The following GRIA1 variants were observed in gnomAD, a reference collection of about 807,000 sequenced individuals.
GRIA1 encodes the protein glutamate receptor 1.
In GRIA1, 31 loss-of-function variants were observed where a neutral mutation model predicts 99.2. The observed-to-expected ratio is 0.31, with a 90% confidence interval of 0.23 to 0.42. The LOEUF (loss-of-function observed/expected upper bound fraction) is 0.42. Among genes scored for constraint, GRIA1 ranks in the 10% least tolerant of loss-of-function variants. The pLI, the probability that GRIA1 is intolerant of heterozygous loss-of-function variation, is 1.00. For synonymous variants in GRIA1, 438 were observed against 432.4 expected (o/e 1.01, Z -0.16); for missense variants, 782 against 1,157.5 (o/e 0.68, Z 4.71).
At chr5:153,710,186 A>C (rs146757885) in intron 11 of GRIA1, among the ~76,000 whole-genome samples, 2 of 151,950 alleles carry the variant, frequency 1.3e-5, no homozygotes, top group Non-Finnish European at 1.5e-5. Context: ...TGAGATTAAA[A>C]AGGGACCCAT....
chr5:153,626,004 G>C (rs934265087), intron 2 of GRIA1, among the ~76,000 whole-genome samples: 1 of 152,168 alleles, frequency 6.6e-6, no homozygotes, highest in Non-Finnish European at 1.5e-5. Context: ...TCAACTGACT[G>C]TCACATAAAC....
At chr5:153,663,558 A>G (rs546093486) in intron 5 of GRIA1, among the ~76,000 whole-genome samples, 16 of 152,346 alleles carry the variant, frequency 1.1e-4, no homozygotes, top group African/African-American at 3.6e-4. Context: ...CTCATAAGAT[A>G]AAGATAAAAT....
intron 12 of GRIA1, among the ~76,000 whole-genome samples, chr5:153,767,261 G>A (rs757908032): frequency 2.0e-5 from 3 of 152,218 alleles, no homozygotes; most frequent in Non-Finnish European, 2.9e-5. Flanking sequence ...ACACTGTGAA[G>A]TGCACAGTAT....
intron 13 of GRIA1, among the ~76,000 whole-genome samples, chr5:153,776,536 G>A (rs891690211): frequency 6.6e-6 from 1 of 152,106 alleles, no homozygotes; most frequent in Non-Finnish European, 1.5e-5. Context: ...GAAGGCCGTC[G>A]ATCACCTTTA....
At chr5:153,676,113 T>C (rs942389420) in intron 6 of GRIA1, among the ~76,000 whole-genome samples, 3 of 152,148 alleles carry the variant, frequency 2.0e-5, no homozygotes, top group Admixed American at 2.0e-4. Context: ...CATCTCAGCC[T>C]CCCAAAGTGC....
At chr5:153,617,399 A>T (rs1013727983) in intron 2 of GRIA1, among the ~76,000 whole-genome samples, 1 of 152,194 alleles carries the variant, frequency 6.6e-6, no homozygotes, top group African/African-American at 2.4e-5. Flanking sequence ...TTCCCTGGGA[A>T]TGTGGGCTGC....
At chr5:153,574,643 G>A (rs1342230109) in intron 2 of GRIA1, among the ~76,000 whole-genome samples, 2 of 152,120 alleles carry the variant, frequency 1.3e-5, no homozygotes, top group Non-Finnish European at 2.9e-5. Context: ...AGAAATCCCT[G>A]AAGTGCTTTA....
intron 2 of GRIA1, among the ~76,000 whole-genome samples, chr5:153,575,987 G>C (rs563303743): frequency 6.6e-6 from 1 of 152,254 alleles, no homozygotes; most frequent in South Asian, 2.1e-4. Context: ...ATTCAAATTA[G>C]GACAACATAT....
At chr5:153,641,963 C>T (rs1290562426) in intron 2 of GRIA1, among the ~76,000 whole-genome samples, 1 of 152,176 alleles carries the variant, frequency 6.6e-6, no homozygotes, top group Non-Finnish European at 1.5e-5. Context: ...AACATAGTGT[C>T]TTCACAAATG....
chr5:153,652,398 T>A lies in GRIA1; in HGVS notation c.645+1884T>A, dbSNP rs138240610. ...AGACCTTCCCATGCATAATCCTACTTCATTCCCACATCAACTTTGTAAAAC... is the reference window on the plus strand; with the variant it reads ...AGACCTTCCCATGCATAATCCTACTACATTCCCACATCAACTTTGTAAAAC... On this transcript the variant is annotated intron_variant, in intron 4 of 15. Transcript: ENST00000285900. Among the ~76,000 whole-genome samples the A allele has an allele frequency of 4.3e-4, 65 of 152,322 alleles. 3 individuals are homozygous for A. The East Asian group carries it at 0.012, about 29-fold the overall frequency.
At chr5:153,556,089 G>T (rs1760613677) in intron 2 of GRIA1, among the ~76,000 whole-genome samples, 1 of 152,178 alleles carries the variant, frequency 6.6e-6, no homozygotes, top group African/African-American at 2.4e-5. Flanking sequence ...AGAACTTGAG[G>T]ATTAAAGCTG....
At chr5:153,784,397 A>C (rs1341466468) in intron 13 of GRIA1, among the ~76,000 whole-genome samples, 1 of 80,422 alleles carries the variant, frequency 1.2e-5, no homozygotes, top group Non-Finnish European at 2.3e-5. Flanking sequence ...TGTATATATC[A>C]TTTGCTTTAA....
At chr5:153,530,762 C>T (rs933635860) in intron 2 of GRIA1, among the ~76,000 whole-genome samples, 5 of 152,166 alleles carry the variant, frequency 3.3e-5, no homozygotes, top group African/African-American at 9.7e-5. Context: ...AGGAAAAGCT[C>T]ACTGCACAGG....
At chr5:153,590,359 C>A (rs1423655933) in intron 2 of GRIA1, among the ~76,000 whole-genome samples, 2 of 152,048 alleles carry the variant, frequency 1.3e-5, no homozygotes, top group African/African-American at 4.8e-5. Flanking sequence ...ATGGAAACAG[C>A]AGCTTTGCAG....
At chr5:153,562,894 G>A (rs910360565) in intron 2 of GRIA1, among the ~76,000 whole-genome samples, 1 of 152,066 alleles carries the variant, frequency 6.6e-6, no homozygotes, top group Non-Finnish European at 1.5e-5. Context: ...AATCCTGCTT[G>A]CGGCCAGGCA....
intron 13 of GRIA1, among the ~76,000 whole-genome samples, chr5:153,784,673 G>A (rs1428770350): frequency 1.3e-5 from 2 of 152,074 alleles, no homozygotes. Context: ...CTTTTGCTTG[G>A]TCACTGGATA....
At chr5:153,669,442 A>G (rs549774422) in intron 5 of GRIA1, among the ~76,000 whole-genome samples, 17 of 152,244 alleles carry the variant, frequency 1.1e-4, no homozygotes, top group African/African-American at 4.1e-4. Context: ...TCAGGCCAGG[A>G]GATAAAAAAT....
At chr5:153,694,333 C>G (rs1410788582) in intron 8 of GRIA1, among the ~76,000 whole-genome samples, 1 of 152,096 alleles carries the variant, frequency 6.6e-6, no homozygotes, top group Non-Finnish European at 1.5e-5. Context: ...ACCACATACC[C>G]TGAACATTCT....
Position 153,742,385 on chromosome 5 carries a change from TATTC to T in GRIA1, c.1824-22045_1824-22042del, listed in dbSNP as rs535489938. Among the ~76,000 whole-genome samples, 97 of 152,192 alleles carry T rather than the reference TATTC, an allele frequency of 6.4e-4. 1 individual carries two copies. Among genetic ancestry groups the T allele is most frequent in the Non-Finnish European group, 9.6e-4 (65 of 68,040 alleles). Reference sequence around the variant, plus strand: ...TGTGTGACTTACCTGTACTTATTCTTATTCATTTTCCATCACTGCCATAACAGAA... The same window carrying T: ...TGTGTGACTTACCTGTACTTATTCTTATTTTCCATCACTGCCATAACAGAA... On this transcript the variant is annotated intron_variant, in intron 11 of 15. Transcript: ENST00000285900.
Sources: allele counts gnomAD v4.1 joint callset (sites outside exome capture counted in the v4.1 genomes callset), GRCh38; gene constraint gnomAD v4.1.1; transcripts MANE v1.5; gene names NCBI Gene and HGNC (gene_info 2026-07-23, HGNC 2026-07-21).